KLF12: variants seen among roughly 807,000 people sequenced by gnomAD.
The protein encoded by KLF12 is Krueppel-like factor 12.
Under a neutral mutation model 37.8 loss-of-function variants are expected in KLF12, and 9 were observed. The observed-to-expected ratio is 0.24, with a 90% confidence interval of 0.14 to 0.42. The LOEUF (loss-of-function observed/expected upper bound fraction) is 0.42, where lower values mean the gene tolerates loss of function less well. Among genes scored for constraint, KLF12 ranks in the 10% least tolerant of loss-of-function variants. The probability of loss-of-function intolerance (pLI) is 1.00; values close to 1 mark genes in which losing one functional copy is unlikely to be tolerated. For synonymous variants in KLF12, 208 were observed against 202.1 expected (o/e 1.03, Z -0.25); for missense variants, 411 against 516.0 (o/e 0.80, Z 1.97).
the KLF12 span, among the ~76,000 whole-genome samples, chr13:74,301,157 T>C: frequency 6.6e-6 from 1 of 152,138 alleles, no homozygotes; most frequent in Non-Finnish European, 1.5e-5. Context: ...TTTGTAGACA[T>C]CTGCAATGAG....
chr13:74,283,781 G>GA, the KLF12 span, among the ~76,000 whole-genome samples: 99 of 151,280 alleles, frequency 6.5e-4, no homozygotes, highest in African/African-American at 2.4e-3. Flanking sequence ...TGCATTTCTA[G>GA]AAAAAATACA....
At chr13:74,189,180 G>T in the KLF12 span, among the ~76,000 whole-genome samples, 3 of 152,112 alleles carry the variant, frequency 2.0e-5, no homozygotes, top group East Asian at 5.8e-4. Flanking sequence ...AATTGTTTCA[G>T]TGAACACATT....
At chr13:74,116,053 T>C (rs1877285267) in intron 1 of KLF12, among the ~76,000 whole-genome samples, 1 of 152,190 alleles carries the variant, frequency 6.6e-6, no homozygotes, top group African/African-American at 2.4e-5. Flanking sequence ...CTCAGTTTTC[T>C]TACCTTACAC....
intron 1 of KLF12, among the ~76,000 whole-genome samples, chr13:74,102,911 T>G (rs979365594): frequency 4.6e-5 from 7 of 152,234 alleles, no homozygotes; most frequent in African/African-American, 1.7e-4. Flanking sequence ...AGGACAGTTG[T>G]TGAAATCTAA....
At chr13:73,977,317 TA>T (rs1891556952) in intron 2 of KLF12, among the ~76,000 whole-genome samples, 1 of 152,170 alleles carries the variant, frequency 6.6e-6, no homozygotes, top group African/African-American at 2.4e-5. Context: ...GAGCTGGGAT[TA>T]CAGGGATGAG....
At chr13:74,032,844 A>G (rs1893149204) in intron 1 of KLF12, among the ~76,000 whole-genome samples, 1 of 152,216 alleles carries the variant, frequency 6.6e-6, no homozygotes, top group Admixed American at 6.5e-5. Flanking sequence ...AATAAAAAGA[A>G]AATCACCTCT....
chr13:73,829,067 C>A (rs1443328961), intron 4 of KLF12, among the ~76,000 whole-genome samples: 1 of 152,140 alleles, frequency 6.6e-6, no homozygotes, highest in Non-Finnish European at 1.5e-5. Flanking sequence ...CTCTGTGAGC[C>A]TGGGTTCACT....
chr13:73,836,141 T>C (rs919123842), intron 4 of KLF12, among the ~76,000 whole-genome samples: 13 of 152,160 alleles, frequency 8.5e-5, no homozygotes, highest in Admixed American at 3.9e-4. Flanking sequence ...GGAGAAAGAA[T>C]TGAGTATGTG....
chr13:74,017,675 T>C (rs957441591), intron 1 of KLF12, among the ~76,000 whole-genome samples: 11 of 150,742 alleles, frequency 7.3e-5, no homozygotes, highest in East Asian at 3.9e-4. Context: ...CTGAGATAAG[T>C]TGGCGACTGT....
At chr13:74,020,277 G>C (rs1892807464) in intron 1 of KLF12, among the ~76,000 whole-genome samples, 1 of 152,136 alleles carries the variant, frequency 6.6e-6, no homozygotes. Context: ...GCCAAGGATA[G>C]AATCAAGCTC....
chr13:74,043,646 A>T (rs1230586805), intron 1 of KLF12, among the ~76,000 whole-genome samples: 3 of 152,232 alleles, frequency 2.0e-5, no homozygotes, highest in African/African-American at 7.2e-5. Flanking sequence ...TAATTAATAC[A>T]AAGGGATAAC....
intron 3 of KLF12, among the ~76,000 whole-genome samples, chr13:73,927,037 G>A (rs1889422791): frequency 1.3e-5 from 2 of 151,478 alleles, no homozygotes; most frequent in Admixed American, 1.3e-4. Context: ...AAATGTGAAA[G>A]GGTGTCATGT....
rs1161189776 is a variant in KLF12, at chr13:73,693,952, A to G, written c.*1538T>C. 6.6e-6 allele frequency: 1 copy of G among 152,588 alleles called. No individual in the cohort carries two copies. The highest frequency in any genetic ancestry group is 1.5e-5 in the Non-Finnish European group (1 of 68,012). 9.5% of individuals were successfully genotyped at this position (152,588 alleles called of 1,614,324 possible). ...TTTACTGTATATGTTCCTAGTTGCA[A>G]AAAGGTTCATAATTTTATGGGGCTG... On this transcript the variant is annotated 3_prime_UTR_variant, in exon 8 of 8. Coordinates refer to ENST00000377669, the MANE Select transcript of KLF12 (RefSeq NM_007249.5).
intron 2 of KLF12, among the ~76,000 whole-genome samples, chr13:73,966,107 A>G (rs1346924795): frequency 6.6e-6 from 1 of 152,256 alleles, no homozygotes; most frequent in Non-Finnish European, 1.5e-5. Context: ...AAGCAAGCTA[A>G]CTGCCCCCAA....
intron 6 of KLF12, among the ~76,000 whole-genome samples, chr13:73,737,256 A>C (rs915427911): frequency 1.3e-5 from 2 of 152,226 alleles, no homozygotes; most frequent in African/African-American, 4.8e-5. Context: ...TTCTTCAGCT[A>C]CAACTGTAGC....
intron 5 of KLF12, among the ~76,000 whole-genome samples, chr13:73,796,507 CTGTGTGTGTGTG>C (rs5804694): frequency 2.0e-4 from 28 of 140,332 alleles, no homozygotes; most frequent in African/African-American, 6.3e-4. Flanking sequence ...TGCCCCTGTG[CTGTGTGTGTGTG>C]TGTGTGTGTG....
intron 6 of KLF12, among the ~76,000 whole-genome samples, chr13:73,759,393 A>T (rs939737582): frequency 3.3e-5 from 5 of 152,206 alleles, no homozygotes; most frequent in African/African-American, 1.2e-4. Flanking sequence ...TATTATCTAT[A>T]AATAATGAGC....
chr13:74,067,509 A>G (rs1486598454), intron 1 of KLF12, among the ~76,000 whole-genome samples: 1 of 152,228 alleles, frequency 6.6e-6, no homozygotes, highest in Non-Finnish European at 1.5e-5. Flanking sequence ...AATTACAACT[A>G]ATCACTATAT....
chr13:74,304,390 T>C, the KLF12 span, among the ~76,000 whole-genome samples: 1 of 152,140 alleles, frequency 6.6e-6, no homozygotes, highest in Non-Finnish European at 1.5e-5. Context: ...GTTCAGAACT[T>C]ATGATGTAGA....
Sources: gnomAD v4.1 joint callset for allele counts (sites outside exome capture counted in the v4.1 genomes callset) on GRCh38, gnomAD v4.1.1 for gene constraint, MANE v1.5 for transcripts, NCBI Gene and HGNC (gene_info 2026-07-23, HGNC 2026-07-21) for gene names.